RALY: variants seen among roughly 807,000 people sequenced by gnomAD.
The protein encoded by RALY is RALY heterogeneous nuclear ribonucleoprotein.
A neutral mutation model predicts 30.7 loss-of-function variants in RALY; 15 were observed. That is an observed-to-expected ratio of 0.49 (90% CI 0.33 to 0.75). The LOEUF is 0.75. Among genes scored for constraint, RALY ranks in the 30% least tolerant of loss-of-function variants. The pLI is 0.02. For missense variants in RALY, 339 were observed against 414.3 expected (o/e 0.82, Z 1.58); for synonymous variants, 177 against 170.8 (o/e 1.04, Z -0.28).
chr20:34,081,423 T>G lies in RALY; in HGVS notation c.*1518T>G, dbSNP rs927693798. 6.6e-6 allele frequency: 1 copy of G among 152,240 alleles called. No individual in the cohort carries two copies. The highest frequency in any genetic ancestry group is 1.9e-4 in the East Asian group (1 of 5,196). The allele number at this position is 152,240 out of a possible 1,614,324, so 9.4% of individuals were successfully genotyped here. A position where few individuals can be genotyped will look rare whatever the true frequency, so the allele number is the denominator to read the frequency against. ...CCAGACCCTCCGACTGCTCTTTAAT[T>G]GCCTGTTCTCTCCTCTGGAAGCCTT... On this transcript the variant is annotated 3_prime_UTR_variant, in exon 10 of 10. Coordinates refer to ENST00000246194, the MANE Select transcript of RALY (RefSeq NM_016732.3).
chr20:34,040,837 C>T (rs188687143), intron 2 of RALY, among the ~76,000 whole-genome samples: 1 of 152,270 alleles, frequency 6.6e-6, no homozygotes, highest in African/African-American at 2.4e-5. Flanking sequence ...GAGTCCTGAC[C>T]CCATTGACTA....
At chr20:34,053,206 A>G (rs2033133676) in intron 2 of RALY, among the ~76,000 whole-genome samples, 1 of 151,950 alleles carries the variant, frequency 6.6e-6, no homozygotes, top group African/African-American at 2.4e-5. Context: ...TAGATTGTTC[A>G]AAGCACATCT....
intron 1 of RALY, chr20:34,017,830 T>C (rs1393811466): frequency 6.6e-6 from 1 of 152,258 alleles, no homozygotes; most frequent in Non-Finnish European, 1.5e-5. Flanking sequence ...GTCTCCTGTG[T>C]GTCAGGGCTT....
At chr20:34,077,890 G>T (rs1393103082) in intron 8 of RALY, among the ~76,000 whole-genome samples, 1 of 152,234 alleles carries the variant, frequency 6.6e-6, no homozygotes, top group African/African-American at 2.4e-5. Flanking sequence ...AGAGTATTCT[G>T]TTCCCACATT....
At chr20:34,067,781 C>T (rs2033615627) in intron 2 of RALY, among the ~76,000 whole-genome samples, 1 of 151,578 alleles carries the variant, frequency 6.6e-6, no homozygotes, top group Non-Finnish European at 1.5e-5. Context: ...GGGAGCCAGT[C>T]CCCAGTTTTC....
intron 2 of RALY, among the ~76,000 whole-genome samples, chr20:34,037,224 A>G (rs1381212873): frequency 6.6e-6 from 1 of 152,224 alleles, no homozygotes; most frequent in East Asian, 1.9e-4. Context: ...AGAGGGTGCT[A>G]GGGCTAGACC....
intron 2 of RALY, among the ~76,000 whole-genome samples, chr20:34,040,319 T>C (rs532026208): frequency 6.6e-6 from 1 of 152,160 alleles, no homozygotes; most frequent in Non-Finnish European, 1.5e-5. Context: ...TAGCAAAGAT[T>C]GGAACTGAAA....
At chr20:34,061,213 TC>T (rs1348476658) in intron 2 of RALY, among the ~76,000 whole-genome samples, 3 of 152,116 alleles carry the variant, frequency 2.0e-5, no homozygotes, top group Admixed American at 6.5e-5. Context: ...TAGATTGTCT[TC>T]CCTTGCAGGA....
At chr20:34,033,745 C>T (rs545824286) in intron 2 of RALY, among the ~76,000 whole-genome samples, 1 of 152,300 alleles carries the variant, frequency 6.6e-6, no homozygotes, top group Admixed American at 6.5e-5. Flanking sequence ...GAGGAGTCCA[C>T]CATCCAAAAT....
At chr20:33,996,258 ACAT>A (rs1212089306) in intron 1 of RALY, among the ~76,000 whole-genome samples, 1 of 152,204 alleles carries the variant, frequency 6.6e-6, no homozygotes, top group Non-Finnish European at 1.5e-5. Context: ...ATTTGATTTG[ACAT>A]CATAAACTGA....
At chr20:34,041,859 A>G (rs748062748) in intron 2 of RALY, among the ~76,000 whole-genome samples, 1 of 152,130 alleles carries the variant, frequency 6.6e-6, no homozygotes, top group African/African-American at 2.4e-5. Context: ...AATTGCCAGC[A>G]CTTTGGGAGG....
intron 2 of RALY, among the ~76,000 whole-genome samples, chr20:34,058,891 C>G: frequency 6.6e-6 from 1 of 152,098 alleles, no homozygotes; most frequent in East Asian, 1.9e-4. Flanking sequence ...GTGGGAAGCC[C>G]TTGAAGGATT....
intron 1 of RALY, among the ~76,000 whole-genome samples, chr20:34,020,690 A>G (rs942101931): frequency 9.2e-5 from 14 of 152,270 alleles, no homozygotes; most frequent in Non-Finnish European, 2.1e-4. Flanking sequence ...CTTTTGCACT[A>G]CAGTGGCAGA....
intron 2 of RALY, among the ~76,000 whole-genome samples, chr20:34,039,473 A>G (rs1293561232): frequency 1.3e-5 from 2 of 152,204 alleles, no homozygotes; most frequent in Non-Finnish European, 2.9e-5. Flanking sequence ...GTATTCTCCA[A>G]GTGCCTCTTC....
intron 2 of RALY, among the ~76,000 whole-genome samples, chr20:34,048,327 T>C (rs1466696629): frequency 6.6e-6 from 1 of 152,168 alleles, no homozygotes; most frequent in African/African-American, 2.4e-5. Context: ...ATGAGAGTGT[T>C]GGGTCTCCTA....
chr20:34,072,959 T>TGTGTGTGTGA (rs142692706), intron 3 of RALY, among the ~76,000 whole-genome samples: 138 of 149,002 alleles, frequency 9.3e-4, no homozygotes, highest in African/African-American at 3.2e-3. Context: ...TGTGTGTGTG[T>TGTGTGTGTGA]GAGAGAGAGA....
intron 1 of RALY, chr20:34,017,556 C>G (rs537334826): frequency 6.6e-6 from 1 of 152,238 alleles, no homozygotes; most frequent in East Asian, 1.9e-4. Flanking sequence ...CTTTTACTTT[C>G]TCTTGCTTTC....
In RALY at chr20:34,019,250, C is replaced by T. The variant is rs535592068; in HGVS notation, c.-92-12272C>T. 1.2e-4 allele frequency among the ~76,000 whole-genome samples: 19 copies of T among 152,066 alleles called. 1 individual carries two copies. The highest frequency in any genetic ancestry group is 4.3e-4 in the African/African-American group (18 of 41,476). On this transcript the variant is annotated intron_variant, in intron 1 of 9. Coordinates refer to ENST00000246194, the MANE Select transcript of RALY (RefSeq NM_016732.3). ...CTAAGGCAGGAGAATTGCTTGAACCCGAGAGGTGGAGGTTGCAGTGAGTCG... is the reference window on the plus strand; with the variant it reads ...CTAAGGCAGGAGAATTGCTTGAACCTGAGAGGTGGAGGTTGCAGTGAGTCG...
At chr20:34,010,437 A>G (rs1332863227) in intron 1 of RALY, among the ~76,000 whole-genome samples, 1 of 152,034 alleles carries the variant, frequency 6.6e-6, no homozygotes, top group Admixed American at 6.5e-5. Flanking sequence ...TTGCTCTTTT[A>G]CAAACTAGGC....
Sources: gnomAD v4.1 joint callset for allele counts (sites outside exome capture counted in the v4.1 genomes callset) on GRCh38, gnomAD v4.1.1 for gene constraint, MANE v1.5 for transcripts, NCBI Gene and HGNC (gene_info 2026-07-23, HGNC 2026-07-21) for gene names.